TRHDE: variants seen among roughly 807,000 people sequenced by gnomAD.
TRHDE encodes thyrotropin-releasing hormone-degrading ectoenzyme.
In TRHDE, 72 loss-of-function variants were observed where a neutral mutation model predicts 125.7. The observed-to-expected ratio is 0.57, with a 90% confidence interval of 0.47 to 0.70. TRHDE has a LOEUF of 0.70. TRHDE is among the 30% of genes least tolerant of loss of function. The pLI is 0.00. For synonymous variants in TRHDE, 509 were observed against 509.1 expected (o/e 1.00, Z 0.00); for missense variants, 1,110 against 1,327.1 (o/e 0.84, Z 2.54).
At chr12:72,528,412 G>A (rs1482615314) in intron 6 of TRHDE, among the ~76,000 whole-genome samples, 1 of 152,168 alleles carries the variant, frequency 6.6e-6, no homozygotes, top group South Asian at 2.1e-4. Context: ...AAACACAAAT[G>A]ATGTTGTCTT....
chr12:72,407,607 T>C (rs1484508597), intron 3 of TRHDE, among the ~76,000 whole-genome samples: 1 of 152,142 alleles, frequency 6.6e-6, no homozygotes, highest in Admixed American at 6.5e-5. Context: ...AAATGTAAGA[T>C]TTAAAAATAT....
Position 72,378,136 on chromosome 12 carries a change from G to A in TRHDE, c.1315+15G>A, listed in dbSNP as rs749709194. ...GCCAAAACTAGGTAAGAATTTTCTT[G>A]GTTATTTTATTGGAAGGGCTCCTTG... On this transcript the variant is annotated intron_variant, in intron 3 of 18. Transcript: ENST00000261180. 5.7e-6 allele frequency: 9 copies of A among 1,566,626 alleles called. No individual in the cohort carries two copies. The Admixed American group carries it at 1.6e-4, about 28-fold the overall frequency.
chr12:72,417,842 C>T (rs189573573), intron 3 of TRHDE, among the ~76,000 whole-genome samples: 18 of 151,982 alleles, frequency 1.2e-4, no homozygotes, highest in African/African-American at 3.6e-4. Context: ...TTTCATTAGT[C>T]TTTCTCATAT....
At chr12:72,443,221 TGTGTGTGTG>T (rs1875108932) in intron 3 of TRHDE, among the ~76,000 whole-genome samples, 2 of 151,510 alleles carry the variant, frequency 1.3e-5, no homozygotes, top group South Asian at 4.1e-4. Flanking sequence ...TGTGTGTGTG[TGTGTGTGTG>T]TTTTCCACTA....
At chr12:72,425,809 C>T (rs981345356) in intron 3 of TRHDE, among the ~76,000 whole-genome samples, 16 of 151,992 alleles carry the variant, frequency 1.1e-4, no homozygotes, top group African/African-American at 3.6e-4. Flanking sequence ...TACTATGGAT[C>T]TGTGACAAAT....
At chr12:72,575,231 C>A (rs1160012264) in intron 10 of TRHDE, 24 bp from the exon 11 acceptor site, 1 of 1,608,580 alleles carries the variant, frequency 6.2e-7, no homozygotes, top group African/African-American at 1.3e-5. Flanking sequence ...AGTTTGAAAT[C>A]TATCCCAAAA....
At chr12:72,575,198 C>A (rs2136027595) in intron 10 of TRHDE, 57 bp from the exon 11 acceptor site, 2 of 1,561,002 alleles carry the variant, frequency 1.3e-6, no homozygotes, top group Non-Finnish European at 1.8e-6. Context: ...AGAAAACATA[C>A]TTCATTTCAT....
chr12:72,136,524 G>A (rs922643478), intron 2 of TRHDE, among the ~76,000 whole-genome samples: 5 of 152,232 alleles, frequency 3.3e-5, no homozygotes, highest in Non-Finnish European at 7.3e-5. Context: ...AATGAACTGA[G>A]TGGATTCTGT....
rs1007560796 is a variant in TRHDE at position 72,668,876 on chromosome 12, T to C, written c.*5681T>C. 1.3e-5 allele frequency: 2 copies of C among 151,942 alleles called. No homozygotes were observed. The highest frequency in any genetic ancestry group is 2.4e-5 in the African/African-American group (1 of 41,530). 9.4% of individuals were successfully genotyped at this position (151,942 alleles called of 1,614,324 possible). A position where few individuals can be genotyped will look rare whatever the true frequency, so the allele number is the denominator to read the frequency against. ...TCTGCCCTCAGCATGTATGAAAACA[T>C]AATGTTTATCCGTACAGACCATTCT... On this transcript the variant is annotated 3_prime_UTR_variant, in exon 19 of 19. Transcript: ENST00000261180.
chr12:72,517,365 A>C (rs201133719), intron 6 of TRHDE, among the ~76,000 whole-genome samples: 217 of 141,382 alleles, frequency 1.5e-3, no homozygotes, highest in South Asian at 2.3e-3. Flanking sequence ...TTCCTGGTTT[A>C]GTCTTGGGAG....
chr12:72,408,916 A>G (rs1380723584), intron 3 of TRHDE, among the ~76,000 whole-genome samples: 1 of 152,198 alleles, frequency 6.6e-6, no homozygotes, highest in Non-Finnish European at 1.5e-5. Flanking sequence ...GAATTCTCAT[A>G]TATGTCTAAT....
intron 6 of TRHDE, among the ~76,000 whole-genome samples, chr12:72,541,428 T>C (rs547969664): frequency 6.6e-6 from 1 of 151,686 alleles, no homozygotes; most frequent in Non-Finnish European, 1.5e-5. Flanking sequence ...ATTATAATAA[T>C]GGTTCTCAAG....
intron 3 of TRHDE, among the ~76,000 whole-genome samples, chr12:72,424,132 C>G (rs1402501373): frequency 2.0e-5 from 3 of 152,064 alleles, no homozygotes; most frequent in Non-Finnish European, 2.9e-5. Flanking sequence ...CAGCCCAAAA[C>G]TAAGGTGTCA....
intron 2 of TRHDE, among the ~76,000 whole-genome samples, chr12:72,193,609 G>A (rs1360987477): frequency 3.9e-5 from 6 of 152,030 alleles, no homozygotes; most frequent in Non-Finnish European, 7.4e-5. Flanking sequence ...AAACTTCACC[G>A]GGAAGTAGGG....
At chr12:72,113,167 A>C (rs1875359935) in intron 2 of TRHDE, among the ~76,000 whole-genome samples, 1 of 151,946 alleles carries the variant, frequency 6.6e-6, no homozygotes, top group Non-Finnish European at 1.5e-5. Flanking sequence ...ACAGGTGCAC[A>C]TCACCATACC....
intron 5 of TRHDE, among the ~76,000 whole-genome samples, chr12:72,476,983 A>C (rs1565757454): frequency 1.3e-5 from 2 of 152,262 alleles, no homozygotes; most frequent in East Asian, 3.9e-4. Flanking sequence ...CATTTTATAG[A>C]TATGGGGTTT....
At chr12:72,135,476 G>T (rs918680938) in intron 2 of TRHDE, among the ~76,000 whole-genome samples, 4 of 151,806 alleles carry the variant, frequency 2.6e-5, no homozygotes, top group African/African-American at 4.8e-5. Flanking sequence ...AGCAGTGGTT[G>T]GTAGCCTTGC....
intron 2 of TRHDE, among the ~76,000 whole-genome samples, chr12:72,149,767 A>G (rs747584824): frequency 1.4e-4 from 21 of 152,160 alleles, no homozygotes; most frequent in South Asian, 4.1e-4. Context: ...AAACACAAGC[A>G]TATTTACTAA....
At chr12:72,470,604 G>T (rs780763055) in intron 4 of TRHDE, among the ~76,000 whole-genome samples, 17 of 152,122 alleles carry the variant, frequency 1.1e-4, no homozygotes, top group African/African-American at 2.2e-4. Context: ...AGACGTCCAT[G>T]CCAATAGAAA....
Sources: gnomAD v4.1 joint callset for allele counts (sites outside exome capture counted in the v4.1 genomes callset) on GRCh38, gnomAD v4.1.1 for gene constraint, MANE v1.5 for transcripts, NCBI Gene and HGNC (gene_info 2026-07-23, HGNC 2026-07-21) for gene names.